The following MEGF9 variants were observed in gnomAD, a reference collection of about 807,000 sequenced individuals.
MEGF9 encodes the protein multiple EGF like domains 9.
In MEGF9, 6 loss-of-function variants were observed where a neutral mutation model predicts 46.8. That is an observed-to-expected ratio of 0.13 (90% CI 0.07 to 0.25). The LOEUF is 0.25. Among genes scored for constraint, MEGF9 ranks in the 10% least tolerant of loss-of-function variants. The probability of loss-of-function intolerance (pLI) is 1.00; values close to 1 mark genes in which losing one functional copy is unlikely to be tolerated. For synonymous variants in MEGF9, 302 were observed against 330.7 expected, an observed-to-expected ratio of 0.91 and a Z score of 0.94; for missense variants, 683 against 792.4, an observed-to-expected ratio of 0.86 and a Z score of 1.66.
At chr9:120,674,884 T>TC (rs2043765976) in intron 1 of MEGF9, among the ~76,000 whole-genome samples, 1 of 149,444 alleles carries the variant, frequency 6.7e-6, no homozygotes, top group Admixed American at 6.7e-5. Flanking sequence ...GTTTCTATTT[T>TC]TTTTTTTTTT....
Position 120,622,736 on chromosome 9 carries a change from T to G in MEGF9, c.823A>C (p.Lys275Gln). 6.2e-7 allele frequency: 1 copy of G among 1,613,682 alleles called. No individual in the cohort carries two copies. Among genetic ancestry groups the G allele is most frequent in the Non-Finnish European group, 8.5e-7 (1 of 1,179,776 alleles). The change falls in exon 3 of 6, where the codon AAA becomes CAA. Residue 275 changes from lysine to glutamine, a missense_variant. Lys to Gln is a moderately conservative substitution (Grantham distance 53). Transcript: ENST00000373930. ...CATATAGAGCCAATGACACCCACTT[T>G]GCACTGGCATTTCCCAGAACTGCAA... Reference protein sequence around the residue: ...PCNSSGKCQCKVGVIGSICDR... With the variant: ...PCNSSGKCQCQVGVIGSICDR...
intron 3 of MEGF9, among the ~76,000 whole-genome samples, chr9:120,616,186 A>C (rs2043471888): frequency 6.6e-6 from 1 of 151,972 alleles, no homozygotes; most frequent in African/African-American, 2.4e-5. Flanking sequence ...CACACTGTAA[A>C]ATATATCACA....
intron 1 of MEGF9, among the ~76,000 whole-genome samples, chr9:120,679,791 A>T (rs2043790242): frequency 6.6e-6 from 1 of 152,066 alleles, no homozygotes; most frequent in Non-Finnish European, 1.5e-5. Flanking sequence ...TACAAAAATT[A>T]GCCGGGTGTG....
At chr9:120,629,929 T>C (rs1014141200) in intron 2 of MEGF9, among the ~76,000 whole-genome samples, 5 of 148,752 alleles carry the variant, frequency 3.4e-5, no homozygotes, top group African/African-American at 7.6e-5. Context: ...TGAGACTCCG[T>C]CTCAAAAAAA....
At chr9:120,651,306 T>C (rs972429696) in intron 2 of MEGF9, among the ~76,000 whole-genome samples, 1 of 152,236 alleles carries the variant, frequency 6.6e-6, no homozygotes, top group South Asian at 2.1e-4. Flanking sequence ...CACCACAGCA[T>C]TGAATTTCTT....
chr9:120,603,470 A>T lies in MEGF9; in HGVS notation c.*1720T>A, dbSNP rs1587970088. ...AGAACATCATCTCCAAACCCTGAGA[A>T]CAACTTAGGGGTCTCCTATAAAGGG... On this transcript the variant is annotated 3_prime_UTR_variant, in exon 6 of 6. Transcript: ENST00000373930. 5 of 152,318 alleles carry T rather than the reference A, an allele frequency of 3.3e-5. No individual in the cohort carries two copies. Among genetic ancestry groups the T allele is most frequent in the Admixed American group, 3.3e-4 (5 of 15,288 alleles). The allele number at this position is 152,318 out of a possible 1,614,324, so 9.4% of individuals were successfully genotyped here.
intron 1 of MEGF9, among the ~76,000 whole-genome samples, chr9:120,711,836 T>TACACAC (rs769570972): frequency 3.7e-4 from 21 of 56,498 alleles, no homozygotes; most frequent in South Asian, 8.0e-4. Context: ...TTTCTATACA[T>TACACAC]ACATACATAC....
chr9:120,647,432 G>C (rs1219751005), intron 2 of MEGF9, among the ~76,000 whole-genome samples: 1 of 151,976 alleles, frequency 6.6e-6, no homozygotes, highest in Non-Finnish European at 1.5e-5. Flanking sequence ...TAAACCATTT[G>C]GTCCTATACA....
rs1466557483 is a variant in MEGF9 at position 120,714,229 on chromosome 9, C to G, written c.130G>C (p.Gly44Arg). ...TCCACCTGCCCCGCGGCCCCGCCGC[C>G]ACCGGTGACATTCCCCGCCGAGGCG... ...SAASAGNVTGGGGAAGQVDAS... is the reference protein window; with the variant it reads ...SAASAGNVTGRGGAAGQVDAS... The change falls in exon 1 of 6, where the codon GGC becomes CGC. Residue 44 changes from glycine to arginine, a missense_variant. By Grantham distance (125) the Gly-to-Arg change is moderately radical. Around this residue, in one of 2 missense-constraint regions of MEGF9, gnomAD observed 370 missense variants for 371.3 expected, o/e 1.00. Transcript: ENST00000373930. 1.6e-6 allele frequency: 2 copies of G among 1,236,822 alleles called. No individual in the cohort carries two copies. Among genetic ancestry groups the G allele is most frequent in the Non-Finnish European group, 2.0e-6 (2 of 992,530 alleles). 76.6% of individuals were successfully genotyped at this position (1,236,822 alleles called of 1,614,324 possible).
At chr9:120,638,039 C>T (rs2043586396) in intron 2 of MEGF9, among the ~76,000 whole-genome samples, 1 of 151,984 alleles carries the variant, frequency 6.6e-6, no homozygotes, top group Non-Finnish European at 1.5e-5. Flanking sequence ...GTCACCCAGA[C>T]TGAAGTGCAG....
chr9:120,692,760 A>C (rs1433441121), intron 1 of MEGF9, among the ~76,000 whole-genome samples: 1 of 152,062 alleles, frequency 6.6e-6, no homozygotes, highest in Non-Finnish European at 1.5e-5. Context: ...GTACTTTTTC[A>C]ACAGGCTGCT....
intron 1 of MEGF9, among the ~76,000 whole-genome samples, chr9:120,711,836 T>TACACACACACACACAC (rs769570972): frequency 1.8e-5 from 1 of 56,420 alleles, no homozygotes; most frequent in Admixed American, 2.2e-4. Context: ...TTTCTATACA[T>TACACACACACACACAC]ACATACATAC....
chr9:120,628,465 G>GT (rs1554795252), intron 2 of MEGF9, among the ~76,000 whole-genome samples: 15 of 52,770 alleles, frequency 2.8e-4, no homozygotes, highest in African/African-American at 7.6e-4. Flanking sequence ...AATTCTTGTC[G>GT]TTGTTTTTTT....
intron 2 of MEGF9, 54 bp from the exon 3 acceptor site, chr9:120,622,809 T>A (rs1170216625): frequency 6.3e-7 from 1 of 1,589,044 alleles, no homozygotes; most frequent in Non-Finnish European, 8.6e-7. Context: ...AAAAGTTGTA[T>A]TGAGTAACAC....
Position 120,708,358 on chromosome 9 carries a change from C to T in MEGF9, c.601+5400G>A, listed in dbSNP as rs962928587. ...CCAGCCTGGCAACAGAGCAAAACTC[C>T]GTCTCCAAAAACAAAACAAAACAAA... is the stretch of plus-strand genomic sequence containing the variant. On this transcript the variant is annotated intron_variant, in intron 1 of 5. Coordinates refer to ENST00000373930, the MANE Select transcript of MEGF9 (RefSeq NM_001080497.3). Among the ~76,000 whole-genome samples, 8 of 152,222 alleles carry T rather than the reference C, an allele frequency of 5.3e-5. No homozygotes were observed. In the South Asian group the frequency reaches 8.3e-4, roughly 16 times the overall value.
At chr9:120,620,240 T>C (rs2043492634) in intron 3 of MEGF9, among the ~76,000 whole-genome samples, 1 of 152,218 alleles carries the variant, frequency 6.6e-6, no homozygotes, top group South Asian at 2.1e-4. Context: ...CAATGTAGAC[T>C]GCTTTTCGGT....
chr9:120,603,302 T>C lies in MEGF9; in HGVS notation c.*1888A>G, dbSNP rs1038738087. The C allele has an allele frequency of 2.0e-5, 3 of 152,174 alleles. No individual in the cohort carries two copies. The highest frequency in any genetic ancestry group is 7.2e-5 in the African/African-American group (3 of 41,452). 9.4% of individuals were successfully genotyped at this position (152,174 alleles called of 1,614,324 possible). A position where few individuals can be genotyped will look rare whatever the true frequency, so the allele number is the denominator to read the frequency against. ...GAGGACACACATATGGAAAAGTGCT[T>C]TGCAAACTACAAAGGGCTATAGAAA... On this transcript the variant is annotated 3_prime_UTR_variant, in exon 6 of 6. Coordinates refer to ENST00000373930, the MANE Select transcript of MEGF9 (RefSeq NM_001080497.3).
At chr9:120,623,012 GTAA>G (rs1324882182) in intron 2 of MEGF9, among the ~76,000 whole-genome samples, 3 of 152,188 alleles carry the variant, frequency 2.0e-5, no homozygotes, top group Non-Finnish European at 2.9e-5. Flanking sequence ...GAAAGCAGGA[GTAA>G]TAATGATGAT....
chr9:120,646,257 T>C (rs2043625840), intron 2 of MEGF9, among the ~76,000 whole-genome samples: 1 of 152,156 alleles, frequency 6.6e-6, no homozygotes, highest in Non-Finnish European at 1.5e-5. Flanking sequence ...AATCTCTCCC[T>C]ACTTACATCT....
Sources: allele counts gnomAD v4.1 joint callset (sites outside exome capture counted in the v4.1 genomes callset), GRCh38; gene constraint gnomAD v4.1.1; regional missense constraint gnomAD v4.1.1; transcripts MANE v1.5; gene names NCBI Gene and HGNC (gene_info 2026-07-23, HGNC 2026-07-21).